Variants in SGCZ observed in about 807,000 individuals in gnomAD.
SGCZ encodes the protein sarcoglycan zeta.
Under a neutral mutation model 41.3 loss-of-function variants are expected in SGCZ, and 40 were observed. The observed-to-expected ratio is 0.97, with a 90% CI of 0.75 to 1.26. The LOEUF (loss-of-function observed/expected upper bound fraction) is 1.26. SGCZ is among the 50% of genes most tolerant of loss of function. The probability of loss-of-function intolerance (pLI) is 0.00; values close to 1 mark genes in which losing one functional copy is unlikely to be tolerated. For synonymous variants in SGCZ, 206 were observed against 137.5 expected (o/e 1.50, Z -3.49); for missense variants, 552 against 369.8 (o/e 1.49, Z -4.04).
At chr8:14,567,079 G>C (rs1804391848) in intron 1 of SGCZ, among the ~76,000 whole-genome samples, 2 of 152,318 alleles carry the variant, frequency 1.3e-5, no homozygotes, top group South Asian at 4.1e-4. Context: ...CCTCCCAGTG[G>C]GGCAGGGCTC....
At chr8:15,030,376 A>G (rs1803616345) in intron 1 of SGCZ, among the ~76,000 whole-genome samples, 1 of 152,174 alleles carries the variant, frequency 6.6e-6, no homozygotes, top group Non-Finnish European at 1.5e-5. Context: ...TACTATCCTT[A>G]AAGCAGTAAA....
rs141633617 is a variant in SGCZ, at chr8:14,199,628, G to A, written c.425-34926C>T. ...CCTGCTGACGTGTGATGTCTCCCCCGGACACGCAGCTTTAAAATTTCACTC... is the reference window on the plus strand; with the variant it reads ...CCTGCTGACGTGTGATGTCTCCCCCAGACACGCAGCTTTAAAATTTCACTC... On this transcript the variant is annotated intron_variant, in intron 4 of 7. Transcript: ENST00000382080. Among the ~76,000 whole-genome samples, 1,380 of 152,000 alleles carry A rather than the reference G, an allele frequency of 9.1e-3. 25 individuals carry two copies. Among genetic ancestry groups the A allele is most frequent in the African/African-American group, 0.032 (1,315 of 41,426 alleles).
chr8:14,213,275 G>T (rs370050165), intron 4 of SGCZ, among the ~76,000 whole-genome samples: 5 of 151,912 alleles, frequency 3.3e-5, no homozygotes, highest in Admixed American at 6.6e-5. Flanking sequence ...GTAAAGACAC[G>T]CACACAAAAA....
At chr8:15,035,135 A>G (rs1036869721) in intron 1 of SGCZ, among the ~76,000 whole-genome samples, 2 of 152,124 alleles carry the variant, frequency 1.3e-5, no homozygotes, top group African/African-American at 4.8e-5. Flanking sequence ...TAATGATAAT[A>G]ATAGCTATAA....
At chr8:15,088,123 T>C (rs1806016650) in intron 1 of SGCZ, among the ~76,000 whole-genome samples, 1 of 152,158 alleles carries the variant, frequency 6.6e-6, no homozygotes, top group Admixed American at 6.6e-5. Flanking sequence ...TGAGTATTCA[T>C]AGGCAGTGCA....
chr8:14,495,196 T>C (rs1292705162), intron 2 of SGCZ, among the ~76,000 whole-genome samples: 3 of 152,146 alleles, frequency 2.0e-5, no homozygotes, highest in South Asian at 2.1e-4. Flanking sequence ...TGGGAACATA[T>C]TATCTTCTTT....
At chr8:14,200,642 A>C (rs1264757219) in intron 4 of SGCZ, among the ~76,000 whole-genome samples, 1 of 152,126 alleles carries the variant, frequency 6.6e-6, no homozygotes, top group Non-Finnish European at 1.5e-5. Flanking sequence ...TTTCCAACAA[A>C]ACATGCTGGA....
At chr8:15,167,671 TGGGATGTTTAAAAAAAAATA>T (rs1369216236) in intron 1 of SGCZ, among the ~76,000 whole-genome samples, 1 of 58,586 alleles carries the variant, frequency 1.7e-5, no homozygotes, top group Non-Finnish European at 4.2e-5. Flanking sequence ...TTTTATAATT[TGGGATGTTTAAAAAAAAATA>T]CGGTCTAGAG....
At chr8:15,175,213 T>G (rs913650369) in intron 1 of SGCZ, among the ~76,000 whole-genome samples, 1 of 152,134 alleles carries the variant, frequency 6.6e-6, no homozygotes, top group Non-Finnish European at 1.5e-5. Context: ...ATCATTCTAT[T>G]GTAAAGACAC....
chr8:14,309,519 C>A, intron 3 of SGCZ: 1 of 1,609,562 alleles, frequency 6.2e-7, no homozygotes, highest in Non-Finnish European at 8.5e-7. Flanking sequence ...GCAGTGTGGA[C>A]TACTGAATGT....
At chr8:15,072,440 C>A (rs751003144) in intron 1 of SGCZ, among the ~76,000 whole-genome samples, 3 of 152,182 alleles carry the variant, frequency 2.0e-5, no homozygotes, top group Non-Finnish European at 2.9e-5. Context: ...TTAATTTCAT[C>A]CTAGTGGTTA....
At chr8:15,146,208 G>A (rs372086567) in intron 1 of SGCZ, among the ~76,000 whole-genome samples, 2 of 152,042 alleles carry the variant, frequency 1.3e-5, no homozygotes, top group South Asian at 2.1e-4. Context: ...AGAAATATAA[G>A]TGAAGCACAA....
intron 5 of SGCZ, among the ~76,000 whole-genome samples, chr8:14,117,214 C>G (rs796599690): frequency 1.1e-4 from 17 of 152,170 alleles, no homozygotes; most frequent in African/African-American, 3.9e-4. Flanking sequence ...ATAAATGGGC[C>G]TCTTCTGATA....
rs73666943 is a variant in SGCZ at position 14,910,806 on chromosome 8, G to C, written c.39+326779C>G. ...CATAATACATTTAAGAAATTATTCAGCTTGGCTTATATTGTACATTCATAT... is the reference window on the plus strand; with the variant it reads ...CATAATACATTTAAGAAATTATTCACCTTGGCTTATATTGTACATTCATAT... On this transcript the variant is annotated intron_variant, in intron 1 of 7. Coordinates refer to ENST00000382080, the MANE Select transcript of SGCZ (RefSeq NM_139167.4). Among the ~76,000 whole-genome samples, 1,467 of 151,910 alleles carry C rather than the reference G, an allele frequency of 9.7e-3. 32 individuals are homozygous for C. The highest frequency in any genetic ancestry group is 0.033 in the African/African-American group (1,386 of 41,498).
chr8:15,065,503 G>A (rs1204186623), intron 1 of SGCZ, among the ~76,000 whole-genome samples: 3 of 151,082 alleles, frequency 2.0e-5, no homozygotes, highest in Non-Finnish European at 4.4e-5. Context: ...GGAGTGCAGT[G>A]GCAGGATCTC....
At chr8:15,230,427 T>A (rs1350135180) in intron 1 of SGCZ, among the ~76,000 whole-genome samples, 1 of 152,220 alleles carries the variant, frequency 6.6e-6, no homozygotes, top group African/African-American at 2.4e-5. Context: ...GTTAACCTTG[T>A]GATCCTAGGC....
At chr8:14,863,340 T>C (rs558244626) in intron 1 of SGCZ, among the ~76,000 whole-genome samples, 18 of 152,226 alleles carry the variant, frequency 1.2e-4, no homozygotes, top group African/African-American at 4.3e-4. Context: ...ATTACTATTT[T>C]TAGAGAAAGG....
intron 1 of SGCZ, among the ~76,000 whole-genome samples, chr8:14,700,080 T>A (rs543225380): frequency 6.6e-6 from 1 of 152,114 alleles, no homozygotes; most frequent in East Asian, 1.9e-4. Flanking sequence ...AGAACTACCA[T>A]TCTATCCAAC....
intron 4 of SGCZ, among the ~76,000 whole-genome samples, chr8:14,178,309 C>T (rs962243953): frequency 6.6e-6 from 1 of 152,098 alleles, no homozygotes. Context: ...AATATTGAAA[C>T]CATTTGAAGC....
Sources: gnomAD v4.1 joint callset for allele counts (sites outside exome capture counted in the v4.1 genomes callset) on GRCh38, gnomAD v4.1.1 for gene constraint, MANE v1.5 for transcripts, NCBI Gene and HGNC (gene_info 2026-07-23, HGNC 2026-07-21) for gene names.